ZMAT4: variants seen among roughly 807,000 people sequenced by gnomAD.
ZMAT4 encodes the protein zinc finger matrin-type 4, also known as zinc finger matrin-type protein 4.
Under a neutral mutation model 28.7 loss-of-function variants are expected in ZMAT4, and 17 were observed. The observed-to-expected ratio is 0.59, with a 90% CI of 0.41 to 0.89. The LOEUF (loss-of-function observed/expected upper bound fraction) is 0.89, where lower values mean the gene tolerates loss of function less well. Among genes scored for constraint, ZMAT4 ranks in the 40% least tolerant of loss-of-function variants. The probability of loss-of-function intolerance (pLI) is 0.00; values close to 1 mark genes in which losing one functional copy is unlikely to be tolerated. For missense variants in ZMAT4, 240 were observed against 283.8 expected, an observed-to-expected ratio of 0.85 and a Z score of 1.11; for synonymous variants, 117 against 109.2, an observed-to-expected ratio of 1.07 and a Z score of -0.44.
intron 3 of ZMAT4, among the ~76,000 whole-genome samples, chr8:40,748,861 G>T (rs917290556): frequency 2.0e-5 from 3 of 151,904 alleles, no homozygotes; most frequent in Non-Finnish European, 2.9e-5. Context: ...ATATGGTTTG[G>T]TTGTGTCCCC....
chr8:40,613,187 T>TTTTC (rs1289437046), intron 5 of ZMAT4, among the ~76,000 whole-genome samples: 4 of 135,806 alleles, frequency 2.9e-5, no homozygotes, highest in African/African-American at 1.1e-4. Flanking sequence ...TTTCTTTTTT[T>TTTTC]TTTTTTTTTT....
chr8:40,539,544 T>G (rs1423391350), intron 6 of ZMAT4, among the ~76,000 whole-genome samples: 3 of 152,234 alleles, frequency 2.0e-5, no homozygotes, highest in Non-Finnish European at 4.4e-5. Flanking sequence ...TAGTTGGATG[T>G]TCATGTACAT....
intron 3 of ZMAT4, among the ~76,000 whole-genome samples, chr8:40,703,140 G>A (rs571235125): frequency 1.3e-5 from 2 of 152,294 alleles, no homozygotes; most frequent in Non-Finnish European, 2.9e-5. Flanking sequence ...ATTTTACTTA[G>A]AAGCAGTGGC....
intron 1 of ZMAT4, among the ~76,000 whole-genome samples, chr8:40,862,178 C>A (rs1354317833): frequency 6.6e-6 from 1 of 152,086 alleles, no homozygotes; most frequent in African/African-American, 2.4e-5. Context: ...CCCAAATGTC[C>A]ATCAATGATA....
chr8:40,878,893 CT>C (rs1818130443), intron 1 of ZMAT4, among the ~76,000 whole-genome samples: 1 of 152,126 alleles, frequency 6.6e-6, no homozygotes, highest in African/African-American at 2.4e-5. Context: ...GGCAGGGCTG[CT>C]TTTTTGTTTT....
chr8:40,652,085 A>G (rs2118821184), intron 5 of ZMAT4, among the ~76,000 whole-genome samples: 1 of 87,050 alleles, frequency 1.1e-5, no homozygotes, highest in African/African-American at 3.4e-5. Flanking sequence ...GACAAATGGG[A>G]TCTAATTAAA....
At chr8:40,710,609 C>A (rs1258392177) in intron 3 of ZMAT4, among the ~76,000 whole-genome samples, 1 of 151,342 alleles carries the variant, frequency 6.6e-6, no homozygotes, top group Non-Finnish European at 1.5e-5. Context: ...GAAACCCAGC[C>A]TTTTGTGGGG....
At chr8:40,582,229 T>C (rs1804486014) in intron 5 of ZMAT4, among the ~76,000 whole-genome samples, 1 of 152,084 alleles carries the variant, frequency 6.6e-6, no homozygotes, top group African/African-American at 2.4e-5. Context: ...GTGAATAAGA[T>C]ATTACAATGG....
intron 1 of ZMAT4, among the ~76,000 whole-genome samples, chr8:40,857,785 T>C (rs1817350317): frequency 6.6e-6 from 1 of 152,054 alleles, no homozygotes. Context: ...CAACAGAACA[T>C]GAATAACCAC....
chr8:40,838,783 T>C (rs1320773126), intron 1 of ZMAT4, among the ~76,000 whole-genome samples: 4 of 152,006 alleles, frequency 2.6e-5, no homozygotes, highest in Non-Finnish European at 2.9e-5. Context: ...CATGAACAGT[T>C]AGGTGGACAG....
intron 1 of ZMAT4, among the ~76,000 whole-genome samples, chr8:40,854,181 C>A (rs959740174): frequency 6.6e-6 from 1 of 152,152 alleles, no homozygotes; most frequent in East Asian, 1.9e-4. Context: ...TATTTCAACA[C>A]CAGATTTGGA....
intron 5 of ZMAT4, among the ~76,000 whole-genome samples, chr8:40,611,393 C>T (rs753335976): frequency 6.6e-6 from 1 of 151,864 alleles, no homozygotes; most frequent in Non-Finnish European, 1.5e-5. Context: ...CGCTCTGTCA[C>T]CCAGTGGCGC....
At chr8:40,550,187 C>G (rs1440390032) in intron 6 of ZMAT4, among the ~76,000 whole-genome samples, 1 of 152,056 alleles carries the variant, frequency 6.6e-6, no homozygotes, top group African/African-American at 2.4e-5. Context: ...AAAGCAGACC[C>G]CTTCTGGAAA....
chr8:40,786,945 T>C (rs1814111835), intron 2 of ZMAT4, among the ~76,000 whole-genome samples: 1 of 152,156 alleles, frequency 6.6e-6, no homozygotes, highest in African/African-American at 2.4e-5. Flanking sequence ...AATATAAAGA[T>C]AGGTAACATT....
At chr8:40,624,048 T>C (rs1371024201) in intron 5 of ZMAT4, among the ~76,000 whole-genome samples, 1 of 152,206 alleles carries the variant, frequency 6.6e-6, no homozygotes, top group Admixed American at 6.5e-5. Flanking sequence ...ATTCTGCAAT[T>C]TCCTCTGCTG....
In ZMAT4 at chr8:40,674,607, A is replaced by T; in HGVS notation, c.577+97T>A. The T allele has an allele frequency of 6.0e-6, 6 of 1,003,126 alleles. No homozygotes were observed. The Admixed American group carries it at 6.4e-5, about 11-fold the overall frequency. The allele number at this position is 1,003,126 out of a possible 1,614,324, so 62.1% of individuals were successfully genotyped here. On this transcript the variant is annotated intron_variant, in intron 5 of 6. Transcript: ENST00000297737. ...GGGTGAGCCTCACTTTTTCCTTAAT[A>T]ATTAAAGCAAGAAGAAGAATCATTC...
At chr8:40,848,593 T>G (rs115077867) in intron 1 of ZMAT4, among the ~76,000 whole-genome samples, 22 of 152,180 alleles carry the variant, frequency 1.4e-4, no homozygotes, top group African/African-American at 5.3e-4. Flanking sequence ...CATATAACTT[T>G]GGGGAAATCA....
At chr8:40,849,660 C>T (rs1030994417) in intron 1 of ZMAT4, among the ~76,000 whole-genome samples, 2 of 152,154 alleles carry the variant, frequency 1.3e-5, no homozygotes, top group African/African-American at 2.4e-5. Flanking sequence ...TCACTCTGTT[C>T]TCTCCATGTC....
intron 5 of ZMAT4, among the ~76,000 whole-genome samples, chr8:40,630,612 G>A (rs763020819): frequency 9.2e-5 from 14 of 152,170 alleles, no homozygotes; most frequent in Non-Finnish European, 4.4e-5. Flanking sequence ...AGTGGTATAT[G>A]TATCATATGT....
Sources: allele counts gnomAD v4.1 joint callset (sites outside exome capture counted in the v4.1 genomes callset), GRCh38; gene constraint gnomAD v4.1.1; transcripts MANE v1.5; gene names NCBI Gene and HGNC (gene_info 2026-07-23, HGNC 2026-07-21).